PTPRK: variants seen among roughly 807,000 people sequenced by gnomAD.
The protein encoded by PTPRK is protein tyrosine phosphatase receptor type K.
PTPRK carries 75 observed loss-of-function variants against 178.0 expected under a neutral mutation model. That is an observed-to-expected ratio of 0.42 (90% confidence interval 0.35 to 0.51). The LOEUF (loss-of-function observed/expected upper bound fraction) is 0.51. Ranked by LOEUF, PTPRK falls within the 20% of genes least tolerant of loss-of-function variation. PTPRK has a pLI of 0.02. For synonymous variants in PTPRK, 637 were observed against 620.6 expected (o/e 1.03, Z -0.39); for missense variants, 1,441 against 1,797.8 (o/e 0.80, Z 3.59).
intron 17 of PTPRK, among the ~76,000 whole-genome samples, chr6:127,996,652 G>A (rs2114677093): frequency 6.6e-6 from 1 of 152,194 alleles, no homozygotes; most frequent in Admixed American, 6.5e-5. Context: ...TGTATTTTTA[G>A]TAGAAATAGA....
At chr6:128,265,549 G>A (rs1303779971) in intron 3 of PTPRK, among the ~76,000 whole-genome samples, 6 of 152,142 alleles carry the variant, frequency 3.9e-5, no homozygotes, top group Admixed American at 3.9e-4. Flanking sequence ...TCCCAAGGTC[G>A]CACAGCTATT....
At chr6:128,477,034 A>G (rs191235130) in intron 1 of PTPRK, among the ~76,000 whole-genome samples, 20 of 152,228 alleles carry the variant, frequency 1.3e-4, no homozygotes, top group Admixed American at 6.5e-4. Context: ...TCCAAATTTT[A>G]TGAAGAAGTC....
intron 1 of PTPRK, among the ~76,000 whole-genome samples, chr6:128,439,749 C>G (rs1340806057): frequency 6.6e-6 from 1 of 152,168 alleles, no homozygotes; most frequent in Admixed American, 6.5e-5. Context: ...GACTTCTAAA[C>G]ATCTGAATGG....
chr6:128,463,177 CT>C (rs1464306683), intron 1 of PTPRK, among the ~76,000 whole-genome samples: 7 of 152,130 alleles, frequency 4.6e-5, no homozygotes, highest in African/African-American at 1.2e-4. Context: ...GTGATGCCCC[CT>C]ATATGACAAA....
chr6:128,416,245 C>CCA (rs1295281115), intron 1 of PTPRK, among the ~76,000 whole-genome samples: 2 of 151,842 alleles, frequency 1.3e-5, no homozygotes, highest in Non-Finnish European at 1.5e-5. Context: ...ATGACGACCA[C>CCA]CACACACACA....
intron 3 of PTPRK, among the ~76,000 whole-genome samples, chr6:128,314,865 T>C (rs1827784725): frequency 6.6e-6 from 1 of 151,926 alleles, no homozygotes; most frequent in South Asian, 2.1e-4. Flanking sequence ...GGAGACCTTC[T>C]ACTTCTAATT....
chr6:128,411,262 C>T (rs1305387551), intron 1 of PTPRK, among the ~76,000 whole-genome samples: 1 of 152,092 alleles, frequency 6.6e-6, no homozygotes, highest in Non-Finnish European at 1.5e-5. Context: ...TTAAGCATTT[C>T]GGACACAAAG....
chr6:128,086,005 T>A (rs1206211452), intron 8 of PTPRK, among the ~76,000 whole-genome samples: 2 of 152,180 alleles, frequency 1.3e-5, no homozygotes, highest in Non-Finnish European at 2.9e-5. Context: ...TACCTATGAT[T>A]TGTGTAAATA....
intron 6 of PTPRK, among the ~76,000 whole-genome samples, chr6:128,188,062 C>A (rs1348786081): frequency 6.6e-6 from 1 of 151,990 alleles, no homozygotes; most frequent in Non-Finnish European, 1.5e-5. Context: ...CACAACCAGA[C>A]CCAGAAGTGA....
chr6:128,229,606 A>T (rs73590673), intron 5 of PTPRK, among the ~76,000 whole-genome samples: 14,540 of 152,156 alleles, frequency 0.096, 1,521 homozygotes, highest in East Asian at 0.34. Flanking sequence ...ATCTCACAGT[A>T]CCAGGTAGCA....
intron 2 of PTPRK, among the ~76,000 whole-genome samples, chr6:128,374,092 A>G (rs1031861361): frequency 5.9e-5 from 9 of 152,100 alleles, no homozygotes; most frequent in African/African-American, 2.2e-4. Context: ...AGGTAAACAG[A>G]CGTTTAATCA....
At chr6:128,448,666 G>A (rs1228438584) in intron 1 of PTPRK, among the ~76,000 whole-genome samples, 2 of 152,122 alleles carry the variant, frequency 1.3e-5, no homozygotes, top group African/African-American at 4.8e-5. Context: ...ATGAGACAGA[G>A]ACAAGAAATT....
chr6:127,976,618 C>G, intron 27 of PTPRK, 39 bp downstream of exon 27: 1 of 1,611,438 alleles, frequency 6.2e-7, no homozygotes, highest in Non-Finnish European at 8.5e-7. Flanking sequence ...TATGACTGAC[C>G]TATTCTAGAT....
At chr6:128,104,061 A>C (rs534442886) in intron 7 of PTPRK, among the ~76,000 whole-genome samples, 1 of 152,252 alleles carries the variant, frequency 6.6e-6, no homozygotes, top group African/African-American at 2.4e-5. Flanking sequence ...ATGTTATTCT[A>C]CCAGATATTC....
intron 5 of PTPRK, among the ~76,000 whole-genome samples, chr6:128,235,851 T>C (rs1813155318): frequency 6.6e-6 from 1 of 152,148 alleles, no homozygotes; most frequent in South Asian, 2.1e-4. Flanking sequence ...GCCTATGTCA[T>C]TCACCTCACT....
intron 7 of PTPRK, among the ~76,000 whole-genome samples, chr6:128,098,437 T>G (rs184440514): frequency 4.6e-5 from 7 of 152,180 alleles, no homozygotes; most frequent in African/African-American, 1.7e-4. Context: ...CTCATACCTC[T>G]TCTAGAATAT....
At chr6:128,485,159 A>G (rs535607522) in intron 1 of PTPRK, among the ~76,000 whole-genome samples, 1 of 152,340 alleles carries the variant, frequency 6.6e-6, no homozygotes, top group African/African-American at 2.4e-5. Flanking sequence ...CTAGTTGTCT[A>G]CAAAAATGTT....
At chr6:128,435,877 C>G (rs1022613806) in intron 1 of PTPRK, among the ~76,000 whole-genome samples, 1 of 151,612 alleles carries the variant, frequency 6.6e-6, no homozygotes, top group Non-Finnish European at 1.5e-5. Context: ...AATGAGTTCT[C>G]AAATAAACCA....
intron 11 of PTPRK, among the ~76,000 whole-genome samples, chr6:128,069,642 GAAT>G (rs1047086294): frequency 2.6e-5 from 4 of 151,660 alleles, no homozygotes; most frequent in African/African-American, 4.8e-5. Flanking sequence ...TTGCCCTAAA[GAAT>G]AATAATAATT....
Sources: allele counts gnomAD v4.1 joint callset (sites outside exome capture counted in the v4.1 genomes callset), GRCh38; gene constraint gnomAD v4.1.1; transcripts MANE v1.5; gene names NCBI Gene and HGNC (gene_info 2026-07-23, HGNC 2026-07-21).